Variants in SRGAP2C observed in about 807,000 individuals in gnomAD.
SRGAP2C encodes SLIT-ROBO Rho GTPase-activating protein 2C.
In SRGAP2C, 15 loss-of-function variants were observed where a neutral mutation model predicts 25.1. The observed-to-expected ratio is 0.60, with a 90% confidence interval of 0.40 to 0.92. The LOEUF (loss-of-function observed/expected upper bound fraction) is 0.92. Among genes scored for constraint, SRGAP2C ranks in the 40% least tolerant of loss-of-function variants. The probability of loss-of-function intolerance (pLI) is 0.00; values close to 1 mark genes in which losing one functional copy is unlikely to be tolerated. For synonymous variants in SRGAP2C, 44 were observed against 96.6 expected (o/e 0.46, Z 3.19); for missense variants, 144 against 264.4 (o/e 0.54, Z 3.16).
intron 3 of SRGAP2C, among the ~76,000 whole-genome samples, chr1:121,295,151 A>G (rs1275223357): frequency 2.8e-5 from 3 of 109,040 alleles, no homozygotes; most frequent in African/African-American, 1.0e-4. Flanking sequence ...AGAAGAAAGA[A>G]CAAAGCACTT....
chr1:121,309,863 GAAT>G (rs2101595031), intron 3 of SRGAP2C, among the ~76,000 whole-genome samples: 1 of 27,212 alleles, frequency 3.7e-5, no homozygotes, highest in African/African-American at 1.7e-4. Context: ...TTGCTATTGT[GAAT>G]AATGCCGCAA....
intron 2 of SRGAP2C, among the ~76,000 whole-genome samples, chr1:121,218,544 A>C (rs1348055182): frequency 3.0e-5 from 4 of 135,214 alleles, no homozygotes; most frequent in African/African-American, 1.2e-4. Flanking sequence ...TGTAAATGCC[A>C]GCCTGGCCAA....
intron 2 of SRGAP2C, among the ~76,000 whole-genome samples, chr1:121,191,924 A>G (rs1538440): frequency 2.5e-4 from 37 of 147,862 alleles, no homozygotes; most frequent in African/African-American, 8.7e-4. Flanking sequence ...TAATGTCTTA[A>G]GAGAACAGTG....
chr1:121,351,353 T>C (rs1423729891), intron 4 of SRGAP2C, among the ~76,000 whole-genome samples: 1 of 152,068 alleles, frequency 6.6e-6, no homozygotes, highest in Non-Finnish European at 1.5e-5. Context: ...CTCACGCCTG[T>C]AATCCTAGCA....
chr1:121,324,030 G>A (rs1313933943), intron 3 of SRGAP2C, among the ~76,000 whole-genome samples: 30 of 152,192 alleles, frequency 2.0e-4, no homozygotes, highest in Admixed American at 2.0e-3. Context: ...CAGAACTGTT[G>A]TTCTAGTCCC....
chr1:121,213,021 C>A (rs1389252166), intron 2 of SRGAP2C, among the ~76,000 whole-genome samples: 1 of 145,894 alleles, frequency 6.9e-6, no homozygotes, highest in African/African-American at 2.5e-5. Context: ...GAACTCTTGG[C>A]CTCTCTGATA....
At chr1:121,222,649 C>A (rs1655558939) in intron 2 of SRGAP2C, among the ~76,000 whole-genome samples, 1 of 151,954 alleles carries the variant, frequency 6.6e-6, no homozygotes, top group Non-Finnish European at 1.5e-5. Flanking sequence ...ACAAAAAAAC[C>A]CCTAAAAAAC....
At chr1:121,377,263 C>CTTTTTTTTTTTTTTTTTT (rs57457251) in intron 7 of SRGAP2C, among the ~76,000 whole-genome samples, 1 of 50,434 alleles carries the variant, frequency 2.0e-5, no homozygotes, top group Non-Finnish European at 3.4e-5. Flanking sequence ...TCTCATGTTT[C>CTTTTTTTTTTTTTTTTTT]TTTTTTTTTT....
Position 121,326,750 on chromosome 1 carries a change from A to T in SRGAP2C, c.423+2110A>T, listed in dbSNP as rs1658324089. 5.7e-5 allele frequency among the ~76,000 whole-genome samples: 5 copies of T among 88,036 alleles called. 2 individuals are homozygous for T. Among genetic ancestry groups the T allele is most frequent in the Non-Finnish European group, 4.8e-5 (2 of 41,724 alleles). The allele number at this position is 88,036 out of a possible 152,430, so 57.8% of individuals were successfully genotyped here. ...TTCTGTACCCTAGAAACCCCCTCAT[A>T]TTCCCTTCTAGTCATCTCCCCACCC... On this transcript the variant is annotated intron_variant, in intron 4 of 9. Coordinates refer to ENST00000367123, the MANE Select transcript of SRGAP2C (RefSeq NM_001329984.2).
intron 3 of SRGAP2C, among the ~76,000 whole-genome samples, chr1:121,309,362 A>G (rs1199973120): frequency 7.0e-6 from 1 of 143,534 alleles, no homozygotes; most frequent in South Asian, 2.3e-4. Context: ...ATAAAGAACC[A>G]ACTGGTAAAC....
At position 121,303,390 on chromosome 1, in the gene SRGAP2C, G is replaced by T. The variant is rs1293375817; in HGVS notation, c.260+18395G>T. ...TATTGTTCTATATTTGGCCAATGGA[G>T]TCCCTTCAAGCTGGCTTCTGTGTCT... On this transcript the variant is annotated intron_variant, in intron 3 of 9. Transcript: ENST00000367123. Among the ~76,000 whole-genome samples, 483 of 150,276 alleles carry T rather than the reference G, an allele frequency of 3.2e-3. 2 individuals carry two copies. The highest frequency in any genetic ancestry group is 0.012 in the African/African-American group (472 of 40,796).
intron 2 of SRGAP2C, among the ~76,000 whole-genome samples, chr1:121,191,244 C>T (rs1553319715): frequency 6.6e-6 from 1 of 152,052 alleles, no homozygotes; most frequent in Non-Finnish European, 1.5e-5. Flanking sequence ...TGCAGATGCT[C>T]AAGTCCCTGA....
At chr1:121,379,245 G>A (rs587729214) in intron 7 of SRGAP2C, among the ~76,000 whole-genome samples, 6 of 152,088 alleles carry the variant, frequency 3.9e-5, no homozygotes, top group South Asian at 2.1e-4. Flanking sequence ...TCCTTTCCAG[G>A]CCTTGTGGAG....
chr1:121,261,125 T>TTTTA (rs1656625092), intron 2 of SRGAP2C, among the ~76,000 whole-genome samples: 1 of 66,766 alleles, frequency 1.5e-5, no homozygotes, highest in African/African-American at 5.8e-5. Context: ...TTTTTTTTTG[T>TTTTA]AGAGACAAGG....
At chr1:121,320,950 C>A (rs1454799374) in intron 3 of SRGAP2C, among the ~76,000 whole-genome samples, 9,557 of 152,218 alleles carry the variant, frequency 0.063, 411 homozygotes, top group Non-Finnish European at 0.095. Context: ...TGTGATTGAA[C>A]CTTGCTGCTG....
At chr1:121,224,149 A>G (rs1353154067) in intron 2 of SRGAP2C, among the ~76,000 whole-genome samples, 2 of 144,578 alleles carry the variant, frequency 1.4e-5, no homozygotes, top group African/African-American at 2.6e-5. Context: ...CTCACATACA[A>G]ACAAACAGGC....
intron 3 of SRGAP2C, among the ~76,000 whole-genome samples, chr1:121,285,476 G>T (rs1461881812): frequency 6.7e-6 from 1 of 149,416 alleles, no homozygotes; most frequent in East Asian, 2.0e-4. Flanking sequence ...GGGCTGCAGG[G>T]TCTATATTTT....
At chr1:121,365,530 A>G (rs1361934535) in intron 5 of SRGAP2C, among the ~76,000 whole-genome samples, 175 bp downstream of exon 5, 2 of 87,122 alleles carry the variant, frequency 2.3e-5, no homozygotes, top group Non-Finnish European at 4.7e-5. Flanking sequence ...TCAAAACGGA[A>G]TGAGTCAAAA....
chr1:121,314,597 G>T (rs1372155973), intron 3 of SRGAP2C, among the ~76,000 whole-genome samples: 12 of 151,276 alleles, frequency 7.9e-5, no homozygotes, highest in East Asian at 2.0e-4. Context: ...TGTACAGATG[G>T]GTTTTCGGTG....
Sources: allele counts gnomAD v4.1 joint callset (sites outside exome capture counted in the v4.1 genomes callset), GRCh38; gene constraint gnomAD v4.1.1; transcripts MANE v1.5; gene names NCBI Gene and HGNC (gene_info 2026-07-23, HGNC 2026-07-21).